The following PARP14 variants were observed in gnomAD, a reference collection of about 807,000 sequenced individuals.
PARP14 encodes protein mono-ADP-ribosyltransferase PARP14.
In PARP14, 59 loss-of-function variants were observed where a neutral mutation model predicts 154.2. The ratio of observed to expected loss-of-function variants is 0.38; its 90% CI spans 0.31 to 0.48. The LOEUF is 0.48. Ranked by LOEUF, PARP14 falls within the 20% of genes least tolerant of loss-of-function variation. PARP14 has a pLI of 0.98. For missense variants in PARP14, 1,734 were observed against 2,131.6 expected (o/e 0.81, Z 3.67); for synonymous variants, 720 against 780.5 (o/e 0.92, Z 1.29).
chr3:122,704,551 T>C lies in PARP14; in HGVS notation c.3343T>C (p.Cys1115Arg). The C allele has an allele frequency of 6.2e-7, 1 of 1,601,200 alleles. No homozygotes were observed. The highest frequency in any genetic ancestry group is 8.5e-7 in the Non-Finnish European group (1 of 1,171,114). Residue 1115 changes from cysteine (C) to arginine (R), a missense_variant, in exon 8 of 17, where the codon TGT (cysteine) becomes CGT (arginine). Physicochemically the swap from Cys to Arg is radical, Grantham distance 180 (BLOSUM62 -3). Transcript: ENST00000474629. ...GATAATGGAAGACATAATCAGAGAA[T>C]GTATGGAGATCACTGAGAGCTTGTC... ...LKIMEDIIRE[C>R]MEITESLSLK... is the part of the protein sequence containing the mutation.
At chr3:122,688,879 G>T (rs1014415498) in intron 3 of PARP14, among the ~76,000 whole-genome samples, 4 of 152,130 alleles carry the variant, frequency 2.6e-5, no homozygotes, top group African/African-American at 9.7e-5. Flanking sequence ...TAAAACTGAG[G>T]CGTCTGCAGG....
At chr3:122,710,172 T>C (rs1457542286) in intron 9 of PARP14, among the ~76,000 whole-genome samples, 1 of 152,178 alleles carries the variant, frequency 6.6e-6, no homozygotes, top group East Asian at 1.9e-4. Context: ...TGTTATCTTT[T>C]AGAATTTTTA....
intron 15 of PARP14, among the ~76,000 whole-genome samples, chr3:122,726,281 G>T (rs921119394): frequency 2.0e-5 from 3 of 152,150 alleles, no homozygotes; most frequent in African/African-American, 7.2e-5. Flanking sequence ...ATCTGGTAGT[G>T]ATGAATTCTC....
At chr3:122,693,736 G>C (rs1938610706) in intron 4 of PARP14, among the ~76,000 whole-genome samples, 1 of 151,836 alleles carries the variant, frequency 6.6e-6, no homozygotes, top group Non-Finnish European at 1.5e-5. Context: ...AGCTACTCAG[G>C]AGGCTGAGGT....
In PARP14 at chr3:122,680,971, T is replaced by C; in HGVS notation, c.88T>C (p.Tyr30His). Residue 30 changes from tyrosine (Y) to histidine (H), a missense_variant, in exon 1 of 17, where the codon TAC (tyrosine) becomes CAC (histidine). By Grantham distance (83) the Tyr-to-His change is moderately conservative. Around this residue, in one of 2 missense-constraint regions of PARP14, gnomAD observed 1,646 missense variants for 1,976.0 expected, o/e 0.83. Coordinates refer to ENST00000474629, the MANE Select transcript of PARP14 (RefSeq NM_017554.3). ...PKNLNTKLQM[Y>H]FQSPKRSGGG... ...GAACTTGAACACCAAGTTGCAGATGTACTTCCAGAGCCCGAAGAGGTCGGG... is the reference window on the plus strand; with the variant it reads ...GAACTTGAACACCAAGTTGCAGATGCACTTCCAGAGCCCGAAGAGGTCGGG... 6.2e-7 allele frequency: 1 copy of C among 1,613,690 alleles called. No homozygotes were observed. Among genetic ancestry groups the C allele is most frequent in the Non-Finnish European group, 8.5e-7 (1 of 1,179,684 alleles).
rs747335648 is a variant in PARP14 at position 122,695,563 on chromosome 3, C to T, written c.736C>T (p.Leu246Phe). The T allele has an allele frequency of 6.2e-7, 1 of 1,610,154 alleles. No individual in the cohort carries two copies. Among genetic ancestry groups the T allele is most frequent in the Non-Finnish European group, 8.5e-7 (1 of 1,176,954 alleles). Residue 246 changes from leucine to phenylalanine, a missense_variant, in exon 5 of 17, where the codon CTT (leucine) becomes TTT (phenylalanine). Physicochemically the swap from Leu to Phe is conservative, Grantham distance 22. Around this residue, in one of 2 missense-constraint regions of PARP14, gnomAD observed 1,646 missense variants for 1,976.0 expected, o/e 0.83. Coordinates refer to ENST00000474629, the MANE Select transcript of PARP14 (RefSeq NM_017554.3). ...TGGTGCTGATGACTACAGTTTAAAA[C>T]TTTTCTTTGAAAATCCCTATAATGG... ...PPGADDYSLK[L>F]FFENPYNGGG...
rs150367094 is a variant in PARP14 at position 122,693,212 on chromosome 3, A to T, written c.598+669A>T. On this transcript the variant is annotated intron_variant, in intron 4 of 16. Transcript: ENST00000474629. ...TTCATGGTCATTCACATATGTAGGT[A>T]TGAGTAAGTGCGTGTGATGCAGACA... is the stretch of plus-strand genomic sequence containing the variant. Among the ~76,000 whole-genome samples the T allele has an allele frequency of 3.1e-3, 474 of 152,308 alleles. 1 individual carries two copies. The highest frequency in any genetic ancestry group is 9.6e-3 in the African/African-American group (401 of 41,574).
chr3:122,714,047 T>C, intron 11 of PARP14, 113 bp downstream of exon 11: 1 of 864,608 alleles, frequency 1.2e-6, no homozygotes, highest in Non-Finnish European at 1.9e-6. Context: ...AAATGATACA[T>C]TTTACTAAAG....
chr3:122,685,510 C>A (rs1471006602), intron 2 of PARP14, among the ~76,000 whole-genome samples, 192 bp downstream of exon 2: 2 of 137,260 alleles, frequency 1.5e-5, no homozygotes, highest in African/African-American at 5.4e-5. Context: ...GGAGGGGGTA[C>A]TTTTTTTTTT....
chr3:122,707,827 G>A (rs1409268971), intron 8 of PARP14, among the ~76,000 whole-genome samples: 1 of 152,130 alleles, frequency 6.6e-6, no homozygotes, highest in Non-Finnish European at 1.5e-5. Flanking sequence ...AAAATTCTTT[G>A]AAAATACGAT....
chr3:122,685,457 G>C, intron 2 of PARP14, 139 bp downstream of exon 2: 1 of 773,908 alleles, frequency 1.3e-6, no homozygotes, highest in East Asian at 2.7e-5. Flanking sequence ...AAATGTAGGG[G>C]GAGTGAGGGC....
At chr3:122,687,512 G>A (rs1366705515) in intron 3 of PARP14, among the ~76,000 whole-genome samples, 1 of 152,240 alleles carries the variant, frequency 6.6e-6, no homozygotes, top group Non-Finnish European at 1.5e-5. Flanking sequence ...CTGGGTGTGA[G>A]GGTGCTGTGC....
At position 122,681,097 on chromosome 3, in the gene PARP14, GA is replaced by G; in HGVS notation, c.187+28del. 6.4e-7 allele frequency: 1 copy of G among 1,571,510 alleles called. No homozygotes were observed. The highest frequency in any genetic ancestry group is 1.1e-5 in the South Asian group (1 of 89,910). On this transcript the variant is annotated intron_variant, in intron 1 of 16. Coordinates refer to ENST00000474629, the MANE Select transcript of PARP14 (RefSeq NM_017554.3). This position sits in a 1 kb window ranked among gnomAD's most constrained non-coding sequence, Gnocchi z 5.5. ...TGAGGGGCGCGAGGGGTGGGGTGAG[GA>G]GGGGGCACCTCTGCCCTCCCTCCAG...
rs185850487 is a variant in PARP14, at chr3:122,704,475, C to T, written c.3319-52C>T. On this transcript the variant is annotated intron_variant, in intron 7 of 16. Transcript: ENST00000474629. The stretch of plus-strand genomic sequence containing the variant: ...TTGCTAAATTCTTGTCCTTTTTGTT[C>T]TAACTCCCATTTCTAGACAAGATGT... 6.0e-6 allele frequency: 7 copies of T among 1,167,380 alleles called. No homozygotes were observed. In the Admixed American group the frequency reaches 8.8e-5, roughly 15 times the overall value. The allele number at this position is 1,167,380 out of a possible 1,614,324, so 72.3% of individuals were successfully genotyped here. A position where few individuals can be genotyped will look rare whatever the true frequency, so the allele number is the denominator to read the frequency against.
rs754366080 is a variant in PARP14 at position 122,718,658 on chromosome 3, G to C, written c.4507G>C (p.Asp1503His). ...GATTAAGGTTTTGGGAATTAGCAGA[G>C]ATGTGATGCAGGCTAGAGATGAAAT... ...PLIKVLGISR[D>H]VMQARDEIEA... The change falls in exon 14 of 17, where the codon GAT becomes CAT. Residue 1503 changes from aspartate (D) to histidine (H), a missense_variant. Coordinates refer to ENST00000474629, the MANE Select transcript of PARP14 (RefSeq NM_017554.3). The C allele has an allele frequency of 1.2e-6, 2 of 1,613,986 alleles. No individual in the cohort carries two copies. The highest frequency in any genetic ancestry group is 1.7e-6 in the Non-Finnish European group (2 of 1,179,874).
intron 9 of PARP14, among the ~76,000 whole-genome samples, chr3:122,712,495 G>T (rs1173933259): frequency 5.9e-5 from 9 of 151,296 alleles, no homozygotes; most frequent in Admixed American, 5.9e-4. Flanking sequence ...TGATCCACCT[G>T]CCTCGGCCTC....
intron 8 of PARP14, among the ~76,000 whole-genome samples, chr3:122,707,439 T>G (rs1025052417): frequency 1.4e-5 from 2 of 147,314 alleles, no homozygotes. Context: ...TTATAAATTA[T>G]TTTATTTAAT....
At chr3:122,697,330 T>C (rs940150841) in intron 5 of PARP14, among the ~76,000 whole-genome samples, 9 of 152,192 alleles carry the variant, frequency 5.9e-5, no homozygotes, top group African/African-American at 2.2e-4. Flanking sequence ...CAGACAGTCT[T>C]ATGGGCATCT....
At chr3:122,698,763 A>G (rs1938859457) in intron 5 of PARP14, among the ~76,000 whole-genome samples, 2 of 152,230 alleles carry the variant, frequency 1.3e-5, no homozygotes, top group South Asian at 4.1e-4. Context: ...ATAATAATTT[A>G]TTATTATGCT....
Sources: gnomAD v4.1 joint callset for allele counts (sites outside exome capture counted in the v4.1 genomes callset) on GRCh38, gnomAD v4.1.1 for gene constraint, gnomAD v4.1.1 regional missense constraint, Gnocchi (gnomAD v3.1) non-coding constraint, MANE v1.5 for transcripts, NCBI Gene and HGNC (gene_info 2026-07-23, HGNC 2026-07-21) for gene names.